SYTL2: variants seen among roughly 807,000 people sequenced by gnomAD.
SYTL2 encodes the protein synaptotagmin like 2, also known as synaptotagmin-like protein 2.
SYTL2 carries 165 observed loss-of-function variants against 198.7 expected under a neutral mutation model. The ratio of observed to expected loss-of-function variants is 0.83; its 90% CI spans 0.73 to 0.94. The LOEUF (loss-of-function observed/expected upper bound fraction) is 0.94, where lower values mean the gene tolerates loss of function less well. Ranked by LOEUF, SYTL2 falls within the 40% of genes least tolerant of loss-of-function variation. The pLI is 0.00. For synonymous variants in SYTL2, 966 were observed against 917.7 expected, an observed-to-expected ratio of 1.05 and a Z score of -0.95; for missense variants, 2,835 against 2,582.8, an observed-to-expected ratio of 1.10 and a Z score of -2.12.
intron 16 of SYTL2, among the ~76,000 whole-genome samples, chr11:85,702,385 G>A (rs1055739092): frequency 5.3e-5 from 8 of 151,956 alleles, no homozygotes; most frequent in Non-Finnish European, 8.8e-5. Context: ...GTTTTGCCAC[G>A]TTCCTCAGGC....
chr11:85,836,160 T>C, the SYTL2 span, among the ~76,000 whole-genome samples: 14 of 152,308 alleles, frequency 9.2e-5, no homozygotes, highest in African/African-American at 3.1e-4. Flanking sequence ...TCCATGGTAT[T>C]GGTACCACTT....
rs113993162 is a variant in SYTL2, at chr11:85,713,599, A to G, written c.5625+814T>C. Among the ~76,000 whole-genome samples the G allele has an allele frequency of 3.5e-4, 53 of 152,334 alleles. 1 individual carries two copies. The highest frequency in any genetic ancestry group is 1.2e-3 in the African/African-American group (49 of 41,572). On this transcript the variant is annotated intron_variant, in intron 12 of 19. Coordinates refer to ENST00000359152, the MANE Select transcript of SYTL2 (RefSeq NM_206927.4). ...CAAAGGACCTGAGTTAAAGTCCTAG[A>G]TCTACTCTTCAGTAGCTATTGGATT...
At chr11:85,838,067 C>T in the SYTL2 span, among the ~76,000 whole-genome samples, 6 of 152,288 alleles carry the variant, frequency 3.9e-5, no homozygotes, top group African/African-American at 1.2e-4. Context: ...TGTCTTCAGG[C>T]ATAGCCAGAT....
the SYTL2 span, among the ~76,000 whole-genome samples, chr11:85,841,164 C>CA: frequency 6.6e-6 from 1 of 152,104 alleles, no homozygotes; most frequent in Non-Finnish European, 1.5e-5. Context: ...ACTAAAAAGT[C>CA]AAAAAATAGA....
rs1289366021 is a variant in SYTL2, at chr11:85,711,140, G to A, written c.5718C>T (p.Ser1906=). The part of the protein sequence containing the change: ...KSPSSLTNLS[S]SSGMTSLSSV... ...AAGACAAGGACGTCATGCCAGAGGA[G>A]CTGCTAAGATTGGTTAAAGAGCTCG... The change falls in exon 13 of 20, where the codon AGC becomes AGT. Residue 1906 remains serine, a synonymous_variant. Transcript: ENST00000359152. The A allele has an allele frequency of 1.2e-6, 2 of 1,614,114 alleles. No homozygotes were observed. The highest frequency in any genetic ancestry group is 1.7e-6 in the Non-Finnish European group (2 of 1,179,978).
At chr11:85,739,677 A>G (rs1001969789) in intron 4 of SYTL2, among the ~76,000 whole-genome samples, 28 of 152,046 alleles carry the variant, frequency 1.8e-4, no homozygotes, top group African/African-American at 6.5e-4. Flanking sequence ...CATCATCTCT[A>G]TGTTATCTAT....
the SYTL2 span, chr11:85,854,503 C>CA: frequency 6.6e-6 from 1 of 151,152 alleles, no homozygotes; most frequent in African/African-American, 2.4e-5. Context: ...GGTTTACGAA[C>CA]AAAAAAGGAA....
At chr11:85,732,515 T>C (rs2089918522) in intron 7 of SYTL2, among the ~76,000 whole-genome samples, 1 of 151,808 alleles carries the variant, frequency 6.6e-6, no homozygotes, top group African/African-American at 2.4e-5. Flanking sequence ...CACCGCATGT[T>C]CTCACCCATA....
the SYTL2 span, among the ~76,000 whole-genome samples, chr11:85,843,530 C>A: frequency 1.3e-5 from 2 of 151,914 alleles, no homozygotes. Context: ...GGGCATGGTG[C>A]GACTGTGAGC....
At chr11:85,838,383 GTGTA>G in the SYTL2 span, among the ~76,000 whole-genome samples, 6 of 152,184 alleles carry the variant, frequency 3.9e-5, no homozygotes, top group Non-Finnish European at 8.8e-5. Flanking sequence ...ATAGACATAG[GTGTA>G]TGTATTAGGA....
intron 1 of SYTL2, among the ~76,000 whole-genome samples, chr11:85,801,765 C>T (rs1045694272): frequency 1.4e-4 from 21 of 151,990 alleles, no homozygotes; most frequent in Middle Eastern, 3.4e-3. Context: ...ACATTAGCAG[C>T]GCCACCAACC....
At chr11:85,792,138 C>CTA (rs773158820) in intron 1 of SYTL2, among the ~76,000 whole-genome samples, 1 of 151,982 alleles carries the variant, frequency 6.6e-6, no homozygotes, top group African/African-American at 2.4e-5. Flanking sequence ...CAGGGAAAGC[C>CTA]TATTGCTCTG....
chr11:85,766,687 T>C (rs953274941), intron 1 of SYTL2, among the ~76,000 whole-genome samples: 2 of 152,154 alleles, frequency 1.3e-5, no homozygotes, highest in African/African-American at 4.8e-5. Flanking sequence ...GAAGTTCTGA[T>C]AATGTATGCC....
intron 1 of SYTL2, among the ~76,000 whole-genome samples, chr11:85,803,428 G>GTTAT: frequency 6.6e-6 from 1 of 152,212 alleles, no homozygotes; most frequent in Admixed American, 6.5e-5. Context: ...CTCTAGTCCT[G>GTTAT]GGTGGTGCTG....
In SYTL2 at chr11:85,725,313, GAGAAGGGTGTACCCT is replaced by G. The variant is rs771105141; in HGVS notation, c.4030_4044del (p.Arg1344_Ser1348del). The G allele has an allele frequency of 6.2e-7, 1 of 1,614,068 alleles. No individual in the cohort carries two copies. Among genetic ancestry groups the G allele is most frequent in the Admixed American group, 1.7e-5 (1 of 60,008 alleles). ...TCTACAGTCTCCGAAATTTCCGTTT[GAGAAGGGTGTACCCT>G]AGCCTGGGGAACAAGATGAGCATCC... On this transcript the variant is annotated inframe_deletion, in exon 8 of 20. Transcript: ENST00000359152.
rs774161906 is a variant in SYTL2 at position 85,704,917 on chromosome 11, T to C, written c.6130A>G (p.Thr2044Ala). ...TTCTGTTTGTTATCCCAGTCCCATG[T>C]TTCCAAATCAAGTTCCACCTCCCCT... is the stretch of plus-strand genomic sequence containing the variant. ...FLGEVELDLE[T>A]WDWDNKQNKQ... is the part of the protein sequence containing the mutation. The change falls in exon 16 of 20, where the codon ACA becomes GCA. Residue 2044 changes from threonine (T) to alanine (A), a missense_variant. Physicochemically the swap from Thr to Ala is moderately conservative, Grantham distance 58. Around this residue, in one of 3 missense-constraint regions of SYTL2, gnomAD observed 2,645 missense variants for 2,381.7 expected, o/e 1.11. Coordinates refer to ENST00000359152, the MANE Select transcript of SYTL2 (RefSeq NM_206927.4). 8.1e-6 allele frequency: 13 copies of C among 1,613,710 alleles called. No individual in the cohort carries two copies. The highest frequency in any genetic ancestry group is 1.6e-4 in the Middle Eastern group (1 of 6,080).
intron 4 of SYTL2, among the ~76,000 whole-genome samples, chr11:85,743,808 C>T: frequency 6.6e-6 from 1 of 152,122 alleles, no homozygotes; most frequent in East Asian, 1.9e-4. Context: ...GATGGAAAGT[C>T]TGACCCAGAT....
At chr11:85,788,407 T>C (rs1364026238) in intron 1 of SYTL2, among the ~76,000 whole-genome samples, 1 of 152,202 alleles carries the variant, frequency 6.6e-6, no homozygotes, top group Non-Finnish European at 1.5e-5. Flanking sequence ...GTTGCAGAGT[T>C]AGTGTCAGAT....
chr11:85,708,183 C>A, intron 14 of SYTL2: 1 of 431,324 alleles, frequency 2.3e-6, no homozygotes. Context: ...AGAAAACACA[C>A]TTTCAGCATA....
Sources: allele counts gnomAD v4.1 joint callset (sites outside exome capture counted in the v4.1 genomes callset), GRCh38; gene constraint gnomAD v4.1.1; regional missense constraint gnomAD v4.1.1; transcripts MANE v1.5; gene names NCBI Gene and HGNC (gene_info 2026-07-23, HGNC 2026-07-21).